CDON: variants seen among roughly 807,000 people sequenced by gnomAD.
The protein encoded by CDON is cell adhesion associated, oncogene regulated, also known as cell adhesion molecule-related/down-regulated by oncogenes.
A neutral mutation model predicts 120.9 loss-of-function variants in CDON; 73 were observed. That is an observed-to-expected ratio of 0.60 (90% CI 0.50 to 0.73). CDON has a LOEUF of 0.73. CDON is among the 30% of genes least tolerant of loss of function. The pLI is 0.00. For synonymous variants in CDON, 566 were observed against 573.5 expected (o/e 0.99, Z 0.19); for missense variants, 1,470 against 1,587.3 (o/e 0.93, Z 1.26).
chr11:126,011,954 TC>T (rs1270763689), intron 7 of CDON, among the ~76,000 whole-genome samples: 1 of 152,228 alleles, frequency 6.6e-6, no homozygotes. Flanking sequence ...ATGGGTCTCC[TC>T]CCTGCTGATC....
intron 1 of CDON, among the ~76,000 whole-genome samples, chr11:126,038,211 A>G (rs1948153833): frequency 6.6e-6 from 1 of 152,308 alleles, no homozygotes; most frequent in African/African-American, 2.4e-5. Flanking sequence ...ATTTGCAGAA[A>G]TTTCCCTAGC....
chr11:125,960,649 T>TGAGG lies in CDON; in HGVS notation c.*292_*293insCCTC. On this transcript the variant is annotated 3_prime_UTR_variant, in exon 20 of 20. Transcript: ENST00000531738. ...GCATGAGGAGCTCTTGCTGTCACTATAGCTGTTAGAAAACATGGAAGGACC... is the reference window on the plus strand; with the variant it reads ...GCATGAGGAGCTCTTGCTGTCACTATGAGGAGCTGTTAGAAAACATGGAAGGACC... The TGAGG allele has an allele frequency of 2.4e-6, 1 of 419,110 alleles. No individual in the cohort carries two copies. The highest frequency in any genetic ancestry group is 4.4e-6 in the Non-Finnish European group (1 of 226,772). 26.0% of individuals were successfully genotyped at this position (419,110 alleles called of 1,614,324 possible).
intron 15 of CDON, among the ~76,000 whole-genome samples, chr11:125,985,595 G>A (rs929908773): frequency 3.8e-4 from 58 of 152,326 alleles, no homozygotes; most frequent in African/African-American, 1.3e-3. Context: ...CAGAGTGGTG[G>A]TCAATCAATT....
At chr11:126,033,950 G>A (rs768008813) in intron 1 of CDON, among the ~76,000 whole-genome samples, 15 of 152,092 alleles carry the variant, frequency 9.9e-5, no homozygotes, top group Non-Finnish European at 2.2e-4. Context: ...CAGTCCATAG[G>A]AGGAACATAT....
chr11:126,010,731 A>C, intron 7 of CDON, 37 bp from the exon 8 acceptor site: 1 of 1,529,712 alleles, frequency 6.5e-7, no homozygotes, highest in Non-Finnish European at 9.0e-7. Flanking sequence ...AAAATGAAGA[A>C]CATTGTAGTA....
intron 15 of CDON, among the ~76,000 whole-genome samples, chr11:125,985,280 T>C (rs765562926): frequency 6.6e-6 from 1 of 152,226 alleles, no homozygotes; most frequent in Non-Finnish European, 1.5e-5. Flanking sequence ...TTCCAGCGAT[T>C]CTCCTGCCTC....
At chr11:126,000,731 T>C (rs562629220) in intron 11 of CDON, among the ~76,000 whole-genome samples, 1 of 152,312 alleles carries the variant, frequency 6.6e-6, no homozygotes, top group Admixed American at 6.5e-5. Flanking sequence ...AGATTCATGA[T>C]ATTGAAGATA....
Position 125,997,245 on chromosome 11 carries a change from G to A in CDON, c.2324C>T (p.Pro775Leu). ...ACGAACTTCCACTGAAAGTTTGGAA[G>A]GAGGGATGTCTTCAGCTGCCACCAG... ...NWLVAAEDIP[P>L]SKLSVEVRSL... The change falls in exon 12 of 20, where the codon CCT (proline) becomes CTT (leucine). Residue 775 changes from proline (P) to leucine (L), a missense_variant. Pro to Leu is a moderately conservative substitution (Grantham distance 98). Transcript: ENST00000531738. The A allele has an allele frequency of 2.5e-6, 4 of 1,614,092 alleles. No individual in the cohort carries two copies. The highest frequency in any genetic ancestry group is 3.4e-6 in the Non-Finnish European group (4 of 1,179,932).
intron 1 of CDON, among the ~76,000 whole-genome samples, chr11:126,057,266 A>T (rs561470204): frequency 6.6e-6 from 1 of 152,270 alleles, no homozygotes; most frequent in East Asian, 1.9e-4. Flanking sequence ...TGTGTATCCA[A>T]TGTGCCAATA....
Position 126,010,552 on chromosome 11 carries a change from G to T in CDON, c.1341C>A (p.Ser447Arg). ...RWYDSHGLITSHPSQVLRSKS... is the reference protein window; with the variant it reads ...RWYDSHGLITRHPSQVLRSKS... ...TCGATCTCAGGACTTGAGATGGATG[G>T]CTGGTTATCAATCCATGGCTGTCAT... Residue 447 changes from serine to arginine, a missense_variant, in exon 8 of 20, where the codon AGC (serine) becomes AGA (arginine). By Grantham distance (110) the Ser-to-Arg change is moderately radical (BLOSUM62 -1). Transcript: ENST00000531738. The T allele has an allele frequency of 6.2e-7, 1 of 1,614,114 alleles. No individual in the cohort carries two copies. Among genetic ancestry groups the T allele is most frequent in the Non-Finnish European group, 8.5e-7 (1 of 1,180,000 alleles).
rs1591391091 is a variant in CDON at position 126,017,525 on chromosome 11, A to G, written c.641-150T>C. On this transcript the variant is annotated intron_variant, in intron 5 of 19. Transcript: ENST00000531738. Reference sequence around the variant, plus strand: ...TAAATCCTTTTTAGTTGAGGATTAAAAGATTTTTGTGGTCCTTTAGGGCTA... The same window carrying G: ...TAAATCCTTTTTAGTTGAGGATTAAGAGATTTTTGTGGTCCTTTAGGGCTA... The G allele has an allele frequency of 5.1e-6, 4 of 790,660 alleles. No individual in the cohort carries two copies. In the East Asian group the frequency reaches 1.1e-4, roughly 21 times the overall value. The allele number at this position is 790,660 out of a possible 1,614,324, so 49.0% of individuals were successfully genotyped here. A position where few individuals can be genotyped will look rare whatever the true frequency, so the allele number is the denominator to read the frequency against.
chr11:126,017,228 G>A lies in CDON; in HGVS notation c.788C>T (p.Ala263Val), dbSNP rs1947495846. The change falls in exon 6 of 20, where the codon GCA becomes GTA. Residue 263 changes from alanine to valine, a missense_variant. Physicochemically the swap from Ala to Val is moderately conservative, Grantham distance 64. Coordinates refer to ENST00000531738, the MANE Select transcript of CDON (RefSeq NM_001378964.1). ...CAACCTTCTCCAGTTGCTTCCTGGT[G>A]CAATGTCCTGCCCGTCCTTTAGCCA... ...VYWLKDGQDI[A>V]PGSNWRRLYS... is the part of the protein sequence containing the mutation. The A allele has an allele frequency of 6.2e-7, 1 of 1,614,154 alleles. No individual in the cohort carries two copies. The highest frequency in any genetic ancestry group is 8.5e-7 in the Non-Finnish European group (1 of 1,180,034).
At chr11:125,981,979 T>TTTTC in intron 16 of CDON, among the ~76,000 whole-genome samples, 1 of 104,178 alleles carries the variant, frequency 9.6e-6, no homozygotes, top group Non-Finnish European at 1.8e-5. Context: ...TCTTTTTTTT[T>TTTTC]TTTTTTTTTT....
At chr11:126,024,691 GGAA>G in intron 1 of CDON, among the ~76,000 whole-genome samples, 1 of 152,274 alleles carries the variant, frequency 6.6e-6, no homozygotes, top group South Asian at 2.1e-4. Flanking sequence ...TGGAGCTGTA[GGAA>G]GAAGTCAGAG....
intron 18 of CDON, among the ~76,000 whole-genome samples, chr11:125,963,594 C>G (rs1419737215): frequency 2.6e-5 from 4 of 152,050 alleles, no homozygotes; most frequent in Non-Finnish European, 2.9e-5. Flanking sequence ...AGACATGAAC[C>G]TGAAAGAGAA....
At chr11:126,018,954 T>C (rs550105351) in intron 4 of CDON, among the ~76,000 whole-genome samples, 75 of 152,122 alleles carry the variant, frequency 4.9e-4, no homozygotes, top group African/African-American at 1.7e-3. Context: ...CAAGGCAGAA[T>C]AGAAAAAAAA....
Position 126,010,497 on chromosome 11 carries a change from C to T in CDON, c.1396G>A (p.Glu466Lys). ...KSRKSQLSRP[E>K]GLNLEPVYFV... ...TACACAGGCTCCAGGTTCAAGCCCTCAGGTCTTGATAACTGTGATTTTCGG... is the reference window on the plus strand; with the variant it reads ...TACACAGGCTCCAGGTTCAAGCCCTTAGGTCTTGATAACTGTGATTTTCGG... Residue 466 changes from glutamate to lysine, a missense_variant, in exon 8 of 20, where the codon GAG (glutamate) becomes AAG (lysine). Physicochemically the swap from Glu to Lys is moderately conservative, Grantham distance 56. Coordinates refer to ENST00000531738, the MANE Select transcript of CDON (RefSeq NM_001378964.1). 1 of 1,614,062 alleles carries T rather than the reference C, an allele frequency of 6.2e-7. No individual in the cohort carries two copies. The highest frequency in any genetic ancestry group is 2.2e-5 in the East Asian group (1 of 44,872).
chr11:125,980,059 T>C (rs1946253078), intron 17 of CDON, among the ~76,000 whole-genome samples: 1 of 152,174 alleles, frequency 6.6e-6, no homozygotes, highest in Admixed American at 6.5e-5. Flanking sequence ...TGTAGCACAT[T>C]GTGGGTCATG....
chr11:126,011,010 A>G (rs887853201), intron 7 of CDON: 12 of 437,082 alleles, frequency 2.7e-5, no homozygotes, highest in Middle Eastern at 3.4e-4. Flanking sequence ...TATAGAACAT[A>G]TAAGGTTGAA....
Sources: gnomAD v4.1 joint callset for allele counts (sites outside exome capture counted in the v4.1 genomes callset) on GRCh38, gnomAD v4.1.1 for gene constraint, MANE v1.5 for transcripts, NCBI Gene and HGNC (gene_info 2026-07-23, HGNC 2026-07-21) for gene names.